SLC35F4: variants seen among roughly 807,000 people sequenced by gnomAD.
SLC35F4 encodes the protein solute carrier family 35 member F4.
SLC35F4 carries 24 observed loss-of-function variants against 44.2 expected under a neutral mutation model. The observed-to-expected ratio is 0.54, with a 90% confidence interval of 0.39 to 0.76. SLC35F4 has a LOEUF of 0.76. SLC35F4 is among the 30% of genes least tolerant of loss of function. SLC35F4 has a pLI of 0.00. For missense variants in SLC35F4, 562 were observed against 586.1 expected, an observed-to-expected ratio of 0.96 and a Z score of 0.42; for synonymous variants, 238 against 223.6, an observed-to-expected ratio of 1.06 and a Z score of -0.57.
chr14:57,978,364 C>T lies in SLC35F4; in HGVS notation n.152-1407G>A, dbSNP rs116152788. 5.2e-3 allele frequency among the ~76,000 whole-genome samples: 798 copies of T among 152,254 alleles called. 2 individuals are homozygous for T. Among genetic ancestry groups the T allele is most frequent in the African/African-American group, 0.018 (760 of 41,544 alleles). ...CATACTTTGGATATGGGTTTGCCTT[C>T]CTGCCCACAGTGCCTATGCCAGCCC... On this transcript the variant is annotated intron_variant and non_coding_transcript_variant, in intron 1 of 1. Transcript: ENST00000554648.
chr14:57,883,276 T>C (rs1262408359), intron 1 of SLC35F4, among the ~76,000 whole-genome samples: 1 of 152,182 alleles, frequency 6.6e-6, no homozygotes, highest in Admixed American at 6.5e-5. Context: ...CAAGAGCCAA[T>C]AGATTCAAGA....
chr14:57,736,489 A>G (rs983575873), intron 1 of SLC35F4, among the ~76,000 whole-genome samples: 2 of 152,222 alleles, frequency 1.3e-5, no homozygotes, highest in African/African-American at 4.8e-5. Flanking sequence ...CACAGTGGTC[A>G]TTAGTGGTCA....
chr14:57,748,167 G>A (rs1213926945), intron 1 of SLC35F4, among the ~76,000 whole-genome samples: 1 of 152,058 alleles, frequency 6.6e-6, no homozygotes, highest in Non-Finnish European at 1.5e-5. Context: ...TTAATTTTTT[G>A]GTTTAATACA....
At chr14:57,797,080 C>G (rs184616929) in intron 1 of SLC35F4, among the ~76,000 whole-genome samples, 4 of 152,288 alleles carry the variant, frequency 2.6e-5, no homozygotes, top group African/African-American at 9.6e-5. Context: ...AAAATGCACA[C>G]AAAATCTTTT....
intron 1 of SLC35F4, among the ~76,000 whole-genome samples, chr14:57,674,824 G>A (rs2074636716): frequency 1.3e-5 from 2 of 152,008 alleles, no homozygotes; most frequent in Non-Finnish European, 2.9e-5. Flanking sequence ...ACATGAAGAG[G>A]GCCAAGTGAT....
At chr14:57,879,721 C>G (rs1888478121) in intron 1 of SLC35F4, among the ~76,000 whole-genome samples, 1 of 152,130 alleles carries the variant, frequency 6.6e-6, no homozygotes, top group South Asian at 2.1e-4. Context: ...AATCACCTTC[C>G]TTTGTGTCCT....
intron 1 of SLC35F4, among the ~76,000 whole-genome samples, chr14:57,852,654 A>G (rs1467565130): frequency 1.3e-5 from 2 of 152,254 alleles, no homozygotes; most frequent in African/African-American, 2.4e-5. Flanking sequence ...ATGTCACTTT[A>G]GATGCAGTAC....
At chr14:57,644,747 C>A (rs1348679729) in intron 1 of SLC35F4, among the ~76,000 whole-genome samples, 2 of 150,822 alleles carry the variant, frequency 1.3e-5, no homozygotes, top group East Asian at 3.9e-4. Flanking sequence ...TATGGTTAGA[C>A]CTAAATTTCT....
intron 1 of SLC35F4, among the ~76,000 whole-genome samples, chr14:57,734,401 C>G (rs2076417054): frequency 6.6e-6 from 1 of 152,132 alleles, no homozygotes; most frequent in Non-Finnish European, 1.5e-5. Context: ...CACAAAATGA[C>G]AGAGAAAGCA....
chr14:57,723,212 A>C (rs1185733196), intron 1 of SLC35F4, among the ~76,000 whole-genome samples: 1 of 152,170 alleles, frequency 6.6e-6, no homozygotes, highest in Non-Finnish European at 1.5e-5. Flanking sequence ...TCCTGTGGTT[A>C]TTTCCCCAGT....
intron 1 of SLC35F4, among the ~76,000 whole-genome samples, chr14:57,835,028 C>G (rs1884769402): frequency 6.6e-6 from 1 of 152,058 alleles, no homozygotes; most frequent in Admixed American, 6.6e-5. Context: ...GACTCTGTCT[C>G]AAAAACAAAA....
At chr14:57,719,918 A>G (rs2076042342) in intron 1 of SLC35F4, among the ~76,000 whole-genome samples, 1 of 152,094 alleles carries the variant, frequency 6.6e-6, no homozygotes, top group African/African-American at 2.4e-5. Flanking sequence ...CAGTTTTTCC[A>G]CATTCAGTAC....
intron 1 of SLC35F4, among the ~76,000 whole-genome samples, chr14:57,783,189 A>T (rs1419319595): frequency 6.6e-6 from 1 of 152,216 alleles, no homozygotes; most frequent in East Asian, 1.9e-4. Flanking sequence ...TGGTCATTAT[A>T]TGACAACTTA....
At chr14:57,973,525 T>C (rs910692540), downstream of SLC35F4, among the ~76,000 whole-genome samples, 2 of 152,158 alleles carry the variant, frequency 1.3e-5, no homozygotes, top group Non-Finnish European at 2.9e-5. Context: ...CTGGAGGTTT[T>C]CTTATAAGGA....
chr14:57,743,829 A>G (rs991826959), intron 1 of SLC35F4, among the ~76,000 whole-genome samples: 2 of 152,208 alleles, frequency 1.3e-5, no homozygotes, highest in African/African-American at 4.8e-5. Context: ...AATCCTCAAT[A>G]AAATACTGGC....
chr14:57,566,269 C>T (rs1336344741), intron 7 of SLC35F4, among the ~76,000 whole-genome samples: 4 of 152,140 alleles, frequency 2.6e-5, no homozygotes, highest in Non-Finnish European at 5.9e-5. Context: ...AAAGCACAAC[C>T]AAGTAAAAAC....
chr14:57,756,042 C>T (rs1162544831), intron 1 of SLC35F4, among the ~76,000 whole-genome samples: 3 of 152,246 alleles, frequency 2.0e-5, no homozygotes, highest in Non-Finnish European at 4.4e-5. Flanking sequence ...GGTCAGGGAA[C>T]TTTTGCAGGC....
chr14:57,849,062 C>A (rs1886294168), intron 1 of SLC35F4, among the ~76,000 whole-genome samples: 1 of 152,106 alleles, frequency 6.6e-6, no homozygotes, highest in Non-Finnish European at 1.5e-5. Flanking sequence ...AATGCCAGAC[C>A]CTTCATAGTT....
Position 57,565,991 on chromosome 14 carries a change from C to T in SLC35F4, c.1216+484G>A, listed in dbSNP as rs150972053. ...CCTGGAAAAATAGCTTCTCTTGTCC[C>T]TGAGGTGAGTAAAATTGCTTTTTCC... On this transcript the variant is annotated intron_variant, in intron 7 of 7. Coordinates refer to ENST00000556826, the MANE Select transcript of SLC35F4 (RefSeq NM_001306087.2). Among the ~76,000 whole-genome samples the T allele has an allele frequency of 3.9e-3, 590 of 152,256 alleles. 4 individuals carry two copies. Among genetic ancestry groups the T allele is most frequent in the African/African-American group, 0.013 (557 of 41,552 alleles).
Sources: allele counts gnomAD v4.1 joint callset (sites outside exome capture counted in the v4.1 genomes callset), GRCh38; gene constraint gnomAD v4.1.1; transcripts MANE v1.5; gene names NCBI Gene and HGNC (gene_info 2026-07-23, HGNC 2026-07-21).